PSMA6: variants seen among roughly 807,000 people sequenced by gnomAD.
PSMA6 encodes the protein proteasome 20S subunit alpha 6, also known as proteasome subunit alpha type-6.
For missense variants in PSMA6, 170 were observed against 294.8 expected (o/e 0.58, Z 3.10); for synonymous variants, 88 against 97.7 (o/e 0.90, Z 0.59).
intron 2 of PSMA6, 32 bp from the exon 3 acceptor site, chr14:35,308,881 TA>T (rs776410946): frequency 4.1e-5 from 62 of 1,499,120 alleles, no homozygotes; most frequent in Non-Finnish European, 5.6e-5. Flanking sequence ...GTATGTTTTT[TA>T]AAAAATTATC....
At chr14:35,303,399 C>G (rs78512404) in intron 1 of PSMA6, among the ~76,000 whole-genome samples, 8,808 of 152,210 alleles carry the variant, frequency 0.058, 335 homozygotes, top group Middle Eastern at 0.11. Flanking sequence ...CCCTTGTTTT[C>G]TGGCAGCTAT....
intron 6 of PSMA6, chr14:35,317,034 G>A (rs374728765): frequency 1.2e-5 from 5 of 431,678 alleles, no homozygotes; most frequent in African/African-American, 8.0e-5. Flanking sequence ...ACATTTTTGT[G>A]TATAGGTGAA....
At chr14:35,285,497 A>G (rs975164613) in intron 1 of PSMA6, among the ~76,000 whole-genome samples, 17 of 152,150 alleles carry the variant, frequency 1.1e-4, no homozygotes, top group Admixed American at 8.5e-4. Flanking sequence ...CCTCTCTCCA[A>G]TTACCCTCAA....
intron 1 of PSMA6, among the ~76,000 whole-genome samples, chr14:35,306,867 C>A (rs2051836588): frequency 6.6e-6 from 1 of 151,762 alleles, no homozygotes; most frequent in Non-Finnish European, 1.5e-5. Context: ...CATATGTTGG[C>A]CTGGCATGGT....
chr14:35,314,554 CATT>C, intron 6 of PSMA6, 99 bp downstream of exon 6: 1 of 1,331,650 alleles, frequency 7.5e-7, no homozygotes, highest in Non-Finnish European at 9.8e-7. Flanking sequence ...CTTTAACTGT[CATT>C]ATAGTTTTTG....
chr14:35,314,647 G>C, intron 6 of PSMA6, 192 bp downstream of exon 6: 1 of 563,170 alleles, frequency 1.8e-6, no homozygotes, highest in South Asian at 7.3e-5. Context: ...AGATATGAAA[G>C]CTTTTCTCCT....
At chr14:35,317,032 G>T in intron 6 of PSMA6, 2 of 420,732 alleles carry the variant, frequency 4.8e-6, no homozygotes, top group Non-Finnish European at 8.5e-6. Flanking sequence ...AAACATTTTT[G>T]TGTATAGGTG....
At chr14:35,289,513 G>C (rs767543799), upstream of PSMA6, among the ~76,000 whole-genome samples, 89 of 151,892 alleles carry the variant, frequency 5.9e-4, no homozygotes, top group African/African-American at 2.1e-3. Context: ...TGTTGTTGTT[G>C]TATTTTAATA....
chr14:35,296,382 G>GACAGTCTCACT (rs2051587294), intron 1 of PSMA6, among the ~76,000 whole-genome samples: 1 of 152,146 alleles, frequency 6.6e-6, no homozygotes, highest in African/African-American at 2.4e-5. Context: ...CCAGGCTAGA[G>GACAGTCTCACT]TGCAATGGCG....
At chr14:35,314,508 C>T in intron 6 of PSMA6, 53 bp downstream of exon 6, 1 of 1,549,420 alleles carries the variant, frequency 6.5e-7, no homozygotes, top group Non-Finnish European at 8.8e-7. Context: ...GCGTGTGAGT[C>T]CATGTGTCCT....
At chr14:35,297,246 C>G (rs956389745) in intron 1 of PSMA6, among the ~76,000 whole-genome samples, 1 of 147,964 alleles carries the variant, frequency 6.8e-6, no homozygotes, top group Non-Finnish European at 1.5e-5. Flanking sequence ...GATTGAGTCT[C>G]GCTCTGTCAC....
At position 35,282,576 on chromosome 14, in the gene PSMA6, C is replaced by T. The variant is rs1184824041; in HGVS notation, c.19+3858C>T. Among the ~76,000 whole-genome samples the T allele has an allele frequency of 5.3e-5, 8 of 151,978 alleles. No individual in the cohort carries two copies. In the East Asian group the frequency reaches 7.8e-4, roughly 15 times the overall value. On this transcript the variant is annotated intron_variant, in intron 1 of 6. Coordinates refer to the PSMA6 transcript ENST00000540871. ...CACCTAACCTAAACGTAACTTTTAA[C>T]GTTGCAATGATTAAAATGATACTTT...
chr14:35,305,815 C>A lies in PSMA6; in HGVS notation c.77-2179C>A, dbSNP rs367750392. Among the ~76,000 whole-genome samples the A allele has an allele frequency of 2.6e-4, 39 of 152,182 alleles. 1 individual carries two copies. The highest frequency in any genetic ancestry group is 1.6e-3 in the Admixed American group (25 of 15,276). On this transcript the variant is annotated intron_variant, in intron 1 of 6. Coordinates refer to ENST00000261479, the MANE Select transcript of PSMA6 (RefSeq NM_002791.3). ...TTTTCCCCTGATTACAAAATATGTG[C>A]CCAGGCCAGGAACAGTGGCTCATGC...
chr14:35,301,712 TTCTCTG>T (rs1566557110), intron 1 of PSMA6, among the ~76,000 whole-genome samples: 1 of 152,216 alleles, frequency 6.6e-6, no homozygotes, highest in Non-Finnish European at 1.5e-5. Context: ...CACAGGTGCA[TTCTCTG>T]TTGAGAAGCA....
At chr14:35,312,199 TAAAAAAAAAAAA>T (rs35606504) in intron 4 of PSMA6, among the ~76,000 whole-genome samples, 1 of 97,424 alleles carries the variant, frequency 1.0e-5, no homozygotes, top group African/African-American at 4.1e-5. Flanking sequence ...CCTCGTCTCC[TAAAAAAAAAAAA>T]AAAAAAAAAG....
chr14:35,304,291 A>G (rs1008939688), intron 1 of PSMA6, among the ~76,000 whole-genome samples: 5 of 152,134 alleles, frequency 3.3e-5, no homozygotes, highest in African/African-American at 1.2e-4. Flanking sequence ...GATAATTTCA[A>G]GTATACAGGA....
In PSMA6 at chr14:35,317,303, C is replaced by G. The variant is rs150905180; in HGVS notation, c.738C>G (p.Asp246Glu). 1.9e-6 allele frequency: 3 copies of G among 1,606,770 alleles called. No individual in the cohort carries two copies. In the African/African-American group the frequency reaches 4.0e-5, roughly 22 times the overall value. Residue 246 changes from aspartate (D) to glutamate (E), a missense_variant, in exon 7 of 7, where the codon GAC (aspartate) becomes GAG (glutamate). Coordinates refer to ENST00000261479, the MANE Select transcript of PSMA6 (RefSeq NM_002791.3). ...DAHLVALAER[D>E] The stretch of plus-strand genomic sequence containing the variant: ...ACCTTGTTGCTCTAGCAGAGAGAGA[C>G]TAAACATTGTCGTTAGTTTACCAGA...
chr14:35,295,730 G>T (rs914395563), intron 1 of PSMA6, among the ~76,000 whole-genome samples: 2 of 152,172 alleles, frequency 1.3e-5, no homozygotes, highest in Non-Finnish European at 2.9e-5. Context: ...GGGATTACAG[G>T]CATGAGCCAT....
upstream of PSMA6, among the ~76,000 whole-genome samples, chr14:35,288,655 C>T (rs1333755325): frequency 2.0e-5 from 3 of 152,222 alleles, no homozygotes; most frequent in East Asian, 1.9e-4. Flanking sequence ...AAAATATATA[C>T]ACCATCCAAA....
Sources: allele counts gnomAD v4.1 joint callset (sites outside exome capture counted in the v4.1 genomes callset), GRCh38; gene constraint gnomAD v4.1.1; transcripts MANE v1.5; gene names NCBI Gene and HGNC (gene_info 2026-07-23, HGNC 2026-07-21).